UNC5C: variants seen among roughly 807,000 people sequenced by gnomAD.
UNC5C encodes unc-5 netrin receptor C.
Under a neutral mutation model 99.8 loss-of-function variants are expected in UNC5C, and 47 were observed. The observed-to-expected ratio is 0.47, with a 90% CI of 0.37 to 0.60. The LOEUF (loss-of-function observed/expected upper bound fraction) is 0.60. Ranked by LOEUF, UNC5C falls within the 20% of genes least tolerant of loss-of-function variation. The pLI, the probability that UNC5C is intolerant of heterozygous loss-of-function variation, is 0.00. For synonymous variants in UNC5C, 487 were observed against 452.2 expected (o/e 1.08, Z -0.98); for missense variants, 1,062 against 1,165.9 (o/e 0.91, Z 1.30).
In UNC5C at chr4:95,544,589, C is replaced by T. The variant is rs1220496800; in HGVS notation, c.124+4145G>A. ...CTGTCTTCCTGTAGGGCTTAAACTGCCTGGTTACATTCCGTTTCTAACAAA... is the reference window on the plus strand; with the variant it reads ...CTGTCTTCCTGTAGGGCTTAAACTGTCTGGTTACATTCCGTTTCTAACAAA... On this transcript the variant is annotated intron_variant, in intron 1 of 15. Transcript: ENST00000453304. Among the ~76,000 whole-genome samples, 11 of 152,126 alleles carry T rather than the reference C, an allele frequency of 7.2e-5. No individual in the cohort carries two copies. In the South Asian group the frequency reaches 2.1e-3, roughly 29 times the overall value.
intron 14 of UNC5C, among the ~76,000 whole-genome samples, chr4:95,171,552 T>A (rs1189922317): frequency 6.6e-6 from 1 of 152,168 alleles, no homozygotes; most frequent in Non-Finnish European, 1.5e-5. Context: ...CCCATGTCCC[T>A]ACAAAGGACA....
At chr4:95,414,577 G>A (rs756359359) in intron 1 of UNC5C, among the ~76,000 whole-genome samples, 1 of 152,226 alleles carries the variant, frequency 6.6e-6, no homozygotes, top group Non-Finnish European at 1.5e-5. Flanking sequence ...TATTTAACAT[G>A]AACACAGAGC....
chr4:95,424,502 AT>A lies in UNC5C; in HGVS notation c.125-88872del, dbSNP rs202226117. On this transcript the variant is annotated intron_variant, in intron 1 of 15. Coordinates refer to ENST00000453304, the MANE Select transcript of UNC5C (RefSeq NM_003728.4). ...TTTTTCTATGTAACAGGGCTTCAGA[AT>A]TTTTTTTTTCTTTTCTTTTTTTTTT... 8.1e-4 allele frequency among the ~76,000 whole-genome samples: 78 copies of A among 95,886 alleles called. 1 individual carries two copies. The highest frequency in any genetic ancestry group is 1.0e-3 in the African/African-American group (26 of 24,998). The allele number at this position is 95,886 out of a possible 152,430, so 62.9% of individuals were successfully genotyped here. A position where few individuals can be genotyped will look rare whatever the true frequency, so the allele number is the denominator to read the frequency against.
At chr4:95,510,162 T>G (rs1309072394) in intron 1 of UNC5C, among the ~76,000 whole-genome samples, 1 of 152,086 alleles carries the variant, frequency 6.6e-6, no homozygotes, top group East Asian at 1.9e-4. Flanking sequence ...TTCTCTTTGA[T>G]GTTTCACCAT....
At chr4:95,395,874 G>T (rs1560818005) in intron 1 of UNC5C, among the ~76,000 whole-genome samples, 1 of 152,172 alleles carries the variant, frequency 6.6e-6, no homozygotes, top group Non-Finnish European at 1.5e-5. Flanking sequence ...AGGTCCAGTA[G>T]CCTTCAAGCC....
chr4:95,171,017 A>C (rs1736077764), intron 14 of UNC5C, among the ~76,000 whole-genome samples: 1 of 152,228 alleles, frequency 6.6e-6, no homozygotes. Flanking sequence ...AGTAGAGAAA[A>C]CCATAAATTG....
Position 95,451,707 on chromosome 4 carries a change from G to A in UNC5C, c.124+97027C>T, listed in dbSNP as rs568933308. On this transcript the variant is annotated intron_variant, in intron 1 of 15. Coordinates refer to ENST00000453304, the MANE Select transcript of UNC5C (RefSeq NM_003728.4). Reference sequence around the variant, plus strand: ...TTCTACAGACACTGTATTGTTTCACGTCTTAGTCAAAACAGAAAGCAACTA... The same window carrying A: ...TTCTACAGACACTGTATTGTTTCACATCTTAGTCAAAACAGAAAGCAACTA... Among the ~76,000 whole-genome samples the A allele has an allele frequency of 6.5e-4, 99 of 152,206 alleles. No individual in the cohort carries two copies. The Middle Eastern group carries it at 0.014, about 21-fold the overall frequency.
chr4:95,403,326 A>G (rs2149449209), intron 1 of UNC5C, among the ~76,000 whole-genome samples: 1 of 152,306 alleles, frequency 6.6e-6, no homozygotes, highest in South Asian at 2.1e-4. Context: ...AATCTCGGGC[A>G]TGTTCTTGAA....
intron 1 of UNC5C, among the ~76,000 whole-genome samples, chr4:95,435,819 C>T (rs1438145637): frequency 2.0e-5 from 3 of 152,040 alleles, no homozygotes; most frequent in Admixed American, 6.6e-5. Context: ...TATTTCTTAA[C>T]CATTTGCATG....
chr4:95,185,155 T>C lies in UNC5C; in HGVS notation c.2178A>G (p.Leu726=). Residue 726 remains leucine (L), a synonymous_variant, in exon 13 of 16, where the codon CTA becomes CTG. Transcript: ENST00000453304. ...HLERQMGGQL[L]EEPKALHFKG... ...TAAAATGAAGAGCCTTAGGTTCTTC[T>C]AGGAGCTGTCCTCCCATCTGTCTCT... 6.2e-7 allele frequency: 1 copy of C among 1,613,704 alleles called. No homozygotes were observed. The highest frequency in any genetic ancestry group is 8.5e-7 in the Non-Finnish European group (1 of 1,179,900).
chr4:95,184,830 C>G (rs527998104), intron 13 of UNC5C, among the ~76,000 whole-genome samples: 1 of 152,154 alleles, frequency 6.6e-6, no homozygotes, highest in East Asian at 1.9e-4. Context: ...AAAAATAAAA[C>G]AATGATAGTA....
chr4:95,334,348 T>C (rs1186054267), intron 2 of UNC5C, among the ~76,000 whole-genome samples: 1 of 152,004 alleles, frequency 6.6e-6, no homozygotes, highest in East Asian at 1.9e-4. Context: ...TGTGTATCCA[T>C]TTTGGTTCAG....
rs761307320 is a variant in UNC5C at position 95,269,711 on chromosome 4, ATTT to A, written c.594+8545_594+8547del. The stretch of plus-strand genomic sequence containing the variant: ...CAGTTAGAATAGCAAGGCCTTGACA[ATTT>A]TTTTTTTTTTTAAATGAGACCGAGT... On this transcript the variant is annotated intron_variant, in intron 4 of 15. Transcript: ENST00000453304. Among the ~76,000 whole-genome samples the A allele has an allele frequency of 2.4e-4, 34 of 144,184 alleles. No individual in the cohort carries two copies. The East Asian group carries it at 5.0e-3, about 21-fold the overall frequency. 94.6% of individuals were successfully genotyped at this position (144,184 alleles called of 152,430 possible).
At chr4:95,493,242 T>C (rs1277656312) in intron 1 of UNC5C, among the ~76,000 whole-genome samples, 1 of 151,352 alleles carries the variant, frequency 6.6e-6, no homozygotes, top group African/African-American at 2.4e-5. Flanking sequence ...TCTGAAGTCA[T>C]AATGGAATGG....
At chr4:95,385,135 A>G (rs753464672) in intron 1 of UNC5C, among the ~76,000 whole-genome samples, 3 of 152,184 alleles carry the variant, frequency 2.0e-5, no homozygotes, top group Non-Finnish European at 2.9e-5. Flanking sequence ...CATATTATCC[A>G]TTCACAGTGC....
At chr4:95,543,527 C>T (rs924208625) in intron 1 of UNC5C, among the ~76,000 whole-genome samples, 3 of 152,066 alleles carry the variant, frequency 2.0e-5, no homozygotes, top group African/African-American at 7.2e-5. Context: ...TTCGTGTTGA[C>T]CTATTTTTAT....
At chr4:95,459,070 T>C (rs1266617984) in intron 1 of UNC5C, among the ~76,000 whole-genome samples, 2 of 152,136 alleles carry the variant, frequency 1.3e-5, no homozygotes, top group African/African-American at 4.8e-5. Flanking sequence ...TTAGGAATTT[T>C]CCTGGGTTAT....
At chr4:95,296,569 T>G (rs1047556197) in intron 3 of UNC5C, among the ~76,000 whole-genome samples, 3 of 152,174 alleles carry the variant, frequency 2.0e-5, no homozygotes, top group African/African-American at 7.2e-5. Context: ...TGCAAATTAC[T>G]GAAAATTGAA....
intron 1 of UNC5C, among the ~76,000 whole-genome samples, chr4:95,344,003 G>T (rs1038090610): frequency 3.9e-5 from 6 of 152,050 alleles, no homozygotes; most frequent in Non-Finnish European, 8.8e-5. Context: ...GAGGTAGAGA[G>T]AGATATAAAG....
Sources: allele counts gnomAD v4.1 joint callset (sites outside exome capture counted in the v4.1 genomes callset), GRCh38; gene constraint gnomAD v4.1.1; transcripts MANE v1.5; gene names NCBI Gene and HGNC (gene_info 2026-07-23, HGNC 2026-07-21).